PDE11A: variants seen among roughly 807,000 people sequenced by gnomAD.
PDE11A encodes the protein phosphodiesterase 11A.
A neutral mutation model predicts 100.5 loss-of-function variants in PDE11A; 100 were observed. The ratio of observed to expected loss-of-function variants is 1.00; its 90% CI spans 0.85 to 1.18. The LOEUF is 1.18. Ranked by LOEUF, PDE11A falls within the 50% of genes most tolerant of loss-of-function variation. The pLI, the probability that PDE11A is intolerant of heterozygous loss-of-function variation, is 0.00. For synonymous variants in PDE11A, 381 were observed against 420.8 expected (o/e 0.91, Z 1.16); for missense variants, 1,141 against 1,152.6 (o/e 0.99, Z 0.15).
chr2:178,014,699 A>G (rs939834983), intron 1 of PDE11A, among the ~76,000 whole-genome samples: 1 of 152,206 alleles, frequency 6.6e-6, no homozygotes, highest in Non-Finnish European at 1.5e-5. Flanking sequence ...CAACCGCAAC[A>G]CATCAAAATT....
chr2:178,097,961 T>A lies in PDE11A; in HGVS notation c.162+6341A>T, dbSNP rs377215443. On this transcript the variant is annotated intron_variant, in intron 2 of 20. Transcript: ENST00000358450. ...CTATCAATTGGAAGAATACAACATG[T>A]CCCAGGAGATAGTGAAATTGATCAA... Among the ~76,000 whole-genome samples the A allele has an allele frequency of 1.3e-4, 20 of 152,242 alleles. No homozygotes were observed. In the East Asian group the frequency reaches 3.5e-3, roughly 26 times the overall value.
intron 9 of PDE11A, among the ~76,000 whole-genome samples, chr2:177,800,451 G>T (rs2082774579): frequency 6.6e-6 from 1 of 152,112 alleles, no homozygotes; most frequent in Admixed American, 6.6e-5. Flanking sequence ...GATTACAGGT[G>T]TGAGCCACCG....
chr2:178,103,477 C>T (rs770840677), intron 2 of PDE11A, among the ~76,000 whole-genome samples: 16 of 151,532 alleles, frequency 1.1e-4, no homozygotes, highest in Non-Finnish European at 1.6e-4. Context: ...CTAAATGCTA[C>T]GGAATTGTAC....
intron 9 of PDE11A, among the ~76,000 whole-genome samples, chr2:177,802,673 T>C (rs1178226047): frequency 6.6e-6 from 1 of 151,966 alleles, no homozygotes; most frequent in Non-Finnish European, 1.5e-5. Flanking sequence ...ATCAGAACAC[T>C]GGTTGTGTCT....
At chr2:177,714,619 C>G (rs1444015932) in intron 12 of PDE11A, among the ~76,000 whole-genome samples, 1 of 152,158 alleles carries the variant, frequency 6.6e-6, no homozygotes, top group Non-Finnish European at 1.5e-5. Flanking sequence ...TATGGTCACC[C>G]TCCCCTCACA....
chr2:177,847,032 T>A (rs1051306891), intron 5 of PDE11A, among the ~76,000 whole-genome samples: 1 of 152,190 alleles, frequency 6.6e-6, no homozygotes, highest in East Asian at 1.9e-4. Flanking sequence ...ATGTCACCCA[T>A]GATCATCCAC....
intron 9 of PDE11A, among the ~76,000 whole-genome samples, chr2:177,788,165 G>C (rs1287896176): frequency 6.6e-6 from 1 of 151,812 alleles, no homozygotes; most frequent in Non-Finnish European, 1.5e-5. Flanking sequence ...AAATGTAAAA[G>C]AACAGAAATT....
intron 19 of PDE11A, 42 bp from the exon 20 acceptor site, chr2:177,629,604 A>G (rs778066131): frequency 1.2e-6 from 2 of 1,600,894 alleles, no homozygotes; most frequent in Admixed American, 1.7e-5. Flanking sequence ...GGAGAGAGGA[A>G]ACAGAGTAAC....
At chr2:178,015,409 C>T (rs1267856129) in intron 1 of PDE11A, among the ~76,000 whole-genome samples, 1 of 151,822 alleles carries the variant, frequency 6.6e-6, no homozygotes, top group Non-Finnish European at 1.5e-5. Flanking sequence ...TAAAAAATGT[C>T]AAGATCATGA....
intron 2 of PDE11A, among the ~76,000 whole-genome samples, chr2:177,942,348 A>C (rs1305357701): frequency 2.6e-5 from 4 of 152,250 alleles, no homozygotes; most frequent in Non-Finnish European, 4.4e-5. Context: ...ACAAGTGCCC[A>C]GCAAATGTTA....
At chr2:177,942,948 A>G (rs1468982074) in intron 2 of PDE11A, among the ~76,000 whole-genome samples, 1 of 152,158 alleles carries the variant, frequency 6.6e-6, no homozygotes, top group Non-Finnish European at 1.5e-5. Flanking sequence ...TAGATACCTC[A>G]TGTAAATGGA....
chr2:177,766,897 G>A (rs1479252883), intron 10 of PDE11A, among the ~76,000 whole-genome samples: 1 of 152,132 alleles, frequency 6.6e-6, no homozygotes, highest in Non-Finnish European at 1.5e-5. Flanking sequence ...ATAATTTTAA[G>A]ATAAAATAAC....
intron 6 of PDE11A, among the ~76,000 whole-genome samples, chr2:177,828,925 G>A (rs887798703): frequency 3.3e-5 from 5 of 151,972 alleles, no homozygotes; most frequent in Non-Finnish European, 7.3e-5. Context: ...TGAGAAAAGA[G>A]TATAGAGGGG....
chr2:177,679,761 G>C (rs796834265), intron 16 of PDE11A, among the ~76,000 whole-genome samples: 22 of 152,130 alleles, frequency 1.4e-4, no homozygotes, highest in African/African-American at 4.8e-4. Flanking sequence ...GGTCTAGAAA[G>C]GTCATGATTA....
intron 5 of PDE11A, among the ~76,000 whole-genome samples, chr2:177,869,209 T>C (rs566496331): frequency 6.6e-6 from 1 of 152,216 alleles, no homozygotes; most frequent in Admixed American, 6.5e-5. Context: ...ACAACACCTA[T>C]TTATTATCTC....
chr2:177,851,375 A>AC (rs1553482449), intron 5 of PDE11A, among the ~76,000 whole-genome samples: 1 of 151,662 alleles, frequency 6.6e-6, no homozygotes, highest in African/African-American at 2.4e-5. Flanking sequence ...ATCACACACC[A>AC]GGCCTGTCGT....
At chr2:177,991,733 T>G (rs1049099926) in intron 2 of PDE11A, among the ~76,000 whole-genome samples, 1 of 151,338 alleles carries the variant, frequency 6.6e-6, no homozygotes, top group Admixed American at 6.6e-5. Flanking sequence ...ATCAAACAAC[T>G]TTTTCATGGC....
intron 2 of PDE11A, among the ~76,000 whole-genome samples, chr2:177,917,662 C>T (rs1245830711): frequency 1.3e-5 from 2 of 152,154 alleles, no homozygotes; most frequent in African/African-American, 4.8e-5. Context: ...ATATTTAAGA[C>T]TGTGGCTTAG....
intron 13 of PDE11A, among the ~76,000 whole-genome samples, chr2:177,710,203 G>T (rs1366450356): frequency 6.6e-6 from 1 of 152,098 alleles, no homozygotes; most frequent in African/African-American, 2.4e-5. Context: ...CTCGGACGAG[G>T]GAAGGACAGC....
Sources: gnomAD v4.1 joint callset for allele counts (sites outside exome capture counted in the v4.1 genomes callset) on GRCh38, gnomAD v4.1.1 for gene constraint, MANE v1.5 for transcripts, NCBI Gene and HGNC (gene_info 2026-07-23, HGNC 2026-07-21) for gene names.